SAMD8: variants seen among roughly 807,000 people sequenced by gnomAD.
SAMD8 encodes the protein sterile alpha motif domain containing 8.
A neutral mutation model predicts 42.0 loss-of-function variants in SAMD8; 20 were observed. The ratio of observed to expected loss-of-function variants is 0.48; its 90% confidence interval spans 0.34 to 0.69. The LOEUF (loss-of-function observed/expected upper bound fraction) is 0.69, where lower values mean the gene tolerates loss of function less well. SAMD8 is among the 30% of genes least tolerant of loss of function. SAMD8 has a pLI of 0.01. For missense variants in SAMD8, 328 were observed against 511.6 expected, an observed-to-expected ratio of 0.64 and a Z score of 3.46; for synonymous variants, 162 against 173.0, an observed-to-expected ratio of 0.94 and a Z score of 0.50.
At chr10:75,109,324 C>G (rs979086311), upstream of SAMD8, 8 of 624,888 alleles carry the variant, frequency 1.3e-5, no homozygotes, top group East Asian at 2.0e-4. Flanking sequence ...AGCCTCCCCC[C>G]ACCCCCAAAC....
At chr10:75,174,539 A>G (rs1840945941) in intron 4 of SAMD8, among the ~76,000 whole-genome samples, 1 of 147,806 alleles carries the variant, frequency 6.8e-6, no homozygotes, top group Non-Finnish European at 1.5e-5. Flanking sequence ...GGATCAAGAG[A>G]TTTTCCTGCC....
At chr10:75,102,017 C>T in intron 1 of SAMD8, 2 of 1,273,114 alleles carry the variant, frequency 1.6e-6, no homozygotes, top group Admixed American at 2.1e-5. Flanking sequence ...CCTCTTCCAG[C>T]CTCCCCTGCC....
At chr10:75,108,119 G>C (rs188944686), upstream of SAMD8, 5,281 of 1,613,780 alleles carry the variant, frequency 3.3e-3, 100 homozygotes, top group Non-Finnish European at 1.3e-3. Flanking sequence ...AGAAGTCAGG[G>C]CCGCCCTGAC....
Position 75,116,808 on chromosome 10 carries a change from G to A in SAMD8, c.-16+5086G>A, listed in dbSNP as rs1336549531. On this transcript the variant is annotated intron_variant, in intron 1 of 5. Coordinates refer to ENST00000542569, the MANE Select transcript of SAMD8 (RefSeq NM_001174156.2). ...TTATATTGATTAGATTTTGGATGTA[G>A]CATATTTATTTATTTATTTAGAGAC... Among the ~76,000 whole-genome samples, 3 of 152,058 alleles carry A rather than the reference G, an allele frequency of 2.0e-5. No homozygotes were observed. The East Asian group carries it at 5.8e-4, about 29-fold the overall frequency.
In SAMD8 at chr10:75,117,378, C is replaced by T. The variant is rs189289239; in HGVS notation, c.-16+5656C>T. 3.5e-4 allele frequency among the ~76,000 whole-genome samples: 53 copies of T among 151,268 alleles called. No individual in the cohort carries two copies. The East Asian group carries it at 9.4e-3, about 27-fold the overall frequency. On this transcript the variant is annotated intron_variant, in intron 1 of 5. Coordinates refer to ENST00000542569, the MANE Select transcript of SAMD8 (RefSeq NM_001174156.2). ...TCAAAGCTGCAGTAAGCTGTGATTG[C>T]GCCACTGCACTCCAGCCTGGGTAAA...
rs1174796829 is a variant in SAMD8 at position 75,176,253 on chromosome 10, A to C, written c.943+37A>C. The C allele has an allele frequency of 6.2e-7, 1 of 1,614,098 alleles. No individual in the cohort carries two copies. The highest frequency in any genetic ancestry group is 2.2e-5 in the East Asian group (1 of 44,884). ...TTTAGTGCTTCTATGCGTATTAGGT[A>C]ACTAGCTGCAGTGAAGGCTGTGGGA... On this transcript the variant is annotated intron_variant, in intron 5 of 5. Transcript: ENST00000542569. The surrounding 1 kb of genome is among the most constrained non-coding windows in gnomAD (Gnocchi z 4.3).
At chr10:75,123,848 C>A (rs1849064163) in intron 1 of SAMD8, among the ~76,000 whole-genome samples, 1 of 151,642 alleles carries the variant, frequency 6.6e-6, no homozygotes. Flanking sequence ...AGCTACTCAG[C>A]CTCAGAGTAG....
chr10:75,154,061 C>T (rs1316038530), intron 2 of SAMD8, among the ~76,000 whole-genome samples: 1 of 152,136 alleles, frequency 6.6e-6, no homozygotes, highest in South Asian at 2.1e-4. Context: ...CCACCATGCC[C>T]GGTGAGCTGT....
intron 1 of SAMD8, among the ~76,000 whole-genome samples, chr10:75,135,462 A>G (rs1033999647): frequency 6.6e-6 from 1 of 151,778 alleles, no homozygotes; most frequent in Non-Finnish European, 1.5e-5. Context: ...TCAAAAAAAA[A>G]AAAAAAATTA....
At chr10:75,118,197 C>G (rs560605336) in intron 1 of SAMD8, among the ~76,000 whole-genome samples, 1 of 152,304 alleles carries the variant, frequency 6.6e-6, no homozygotes, top group African/African-American at 2.4e-5. Flanking sequence ...GCCCTAAATT[C>G]TACTGCTCAG....
At chr10:75,153,479 C>T (rs1182897440) in intron 2 of SAMD8, among the ~76,000 whole-genome samples, 2 of 151,580 alleles carry the variant, frequency 1.3e-5, no homozygotes, top group Admixed American at 6.6e-5. Context: ...GATGTGGTGG[C>T]GGACACCTGT....
chr10:75,161,827 A>G (rs1001059519), intron 2 of SAMD8, among the ~76,000 whole-genome samples: 2 of 152,090 alleles, frequency 1.3e-5, no homozygotes, highest in Non-Finnish European at 2.9e-5. Context: ...ACCTGAGGTC[A>G]GGAGTTCAAG....
At chr10:75,127,923 C>G (rs969134626) in intron 1 of SAMD8, among the ~76,000 whole-genome samples, 1 of 152,142 alleles carries the variant, frequency 6.6e-6, no homozygotes, top group African/African-American at 2.4e-5. Flanking sequence ...CCATTCAGTG[C>G]AGTTAACTCT....
intron 4 of SAMD8, among the ~76,000 whole-genome samples, chr10:75,172,099 A>G (rs892652466): frequency 1.3e-5 from 2 of 151,990 alleles, no homozygotes; most frequent in Admixed American, 6.6e-5. Context: ...TACTGCCAAC[A>G]TGTATGCGTG....
At chr10:75,116,455 A>G (rs1848883718) in intron 1 of SAMD8, among the ~76,000 whole-genome samples, 1 of 152,170 alleles carries the variant, frequency 6.6e-6, no homozygotes, top group Non-Finnish European at 1.5e-5. Flanking sequence ...AAGAGGTAGT[A>G]ACATGAGTAT....
At chr10:75,110,677 A>G (rs1001442136), upstream of SAMD8, among the ~76,000 whole-genome samples, 1 of 152,220 alleles carries the variant, frequency 6.6e-6, no homozygotes, top group African/African-American at 2.4e-5. Context: ...ACCTTCCCTC[A>G]GGGTGGTGCA....
chr10:75,173,442 C>T lies in SAMD8; in HGVS notation c.793-2624C>T, dbSNP rs548989843. The stretch of plus-strand genomic sequence containing the variant: ...TCAAAACATCCTATTCATTCTGCTC[C>T]GTTGTGTTTCAGTTTTTATTTTTTG... On this transcript the variant is annotated intron_variant, in intron 4 of 5. Coordinates refer to ENST00000542569, the MANE Select transcript of SAMD8 (RefSeq NM_001174156.2). 5.7e-4 allele frequency among the ~76,000 whole-genome samples: 86 copies of T among 152,200 alleles called. 2 individuals carry two copies. In the South Asian group the frequency reaches 0.017, roughly 30 times the overall value.
chr10:75,166,412 T>A (rs564917047), intron 3 of SAMD8, among the ~76,000 whole-genome samples: 1 of 147,414 alleles, frequency 6.8e-6, no homozygotes, highest in Non-Finnish European at 1.5e-5. Context: ...AAAAAAAAAA[T>A]TGTAGCTTCT....
intron 2 of SAMD8, among the ~76,000 whole-genome samples, chr10:75,151,519 AATTTTTAAGTTT>A (rs1400917020): frequency 2.6e-5 from 4 of 151,682 alleles, no homozygotes; most frequent in African/African-American, 9.7e-5. Context: ...ATGCCCAGCT[AATTTTTAAGTTT>A]TTTGTAGAAA....
Sources: gnomAD v4.1 joint callset for allele counts (sites outside exome capture counted in the v4.1 genomes callset) on GRCh38, gnomAD v4.1.1 for gene constraint, Gnocchi (gnomAD v3.1) non-coding constraint, MANE v1.5 for transcripts, NCBI Gene and HGNC (gene_info 2026-07-23, HGNC 2026-07-21) for gene names.